Variants in CD163L1 observed in about 807,000 individuals in gnomAD.
CD163L1 encodes CD163 molecule like 1, also known as scavenger receptor cysteine-rich type 1 protein M160.
CD163L1 carries 124 observed loss-of-function variants against 165.4 expected under a neutral mutation model. That is an observed-to-expected ratio of 0.75 (90% CI 0.65 to 0.87). The LOEUF is 0.87. Ranked by LOEUF, CD163L1 falls within the 40% of genes least tolerant of loss-of-function variation. The pLI is 0.00. For missense variants in CD163L1, 1,525 were observed against 1,799.9 expected (o/e 0.85, Z 2.76); for synonymous variants, 585 against 662.2 (o/e 0.88, Z 1.79).
At chr12:7,412,620 T>C (rs7488891) in intron 4 of CD163L1, among the ~76,000 whole-genome samples, 27,963 of 150,386 alleles carry the variant, frequency 0.19, 3,341 homozygotes, top group African/African-American at 0.35. Context: ...ATCTGGAGAG[T>C]ATAAAAAGAG....
At chr12:7,362,076 T>C (rs1018985203) in intron 18 of CD163L1, among the ~76,000 whole-genome samples, 1 of 149,678 alleles carries the variant, frequency 6.7e-6, no homozygotes, top group African/African-American at 2.4e-5. Context: ...CATTCCATTG[T>C]ATATATACAC....
intron 18 of CD163L1, among the ~76,000 whole-genome samples, chr12:7,366,300 T>C (rs1039334785): frequency 1.3e-5 from 2 of 152,064 alleles, no homozygotes; most frequent in African/African-American, 4.8e-5. Flanking sequence ...TATACAATTG[T>C]AAGAAATAAA....
At chr12:7,340,565 C>A in the CD163L1 span, among the ~76,000 whole-genome samples, 1 of 152,152 alleles carries the variant, frequency 6.6e-6, no homozygotes. Flanking sequence ...TTCCTCACTT[C>A]AATTCATGTA....
intron 7 of CD163L1, among the ~76,000 whole-genome samples, chr12:7,397,319 T>C (rs1478528293): frequency 6.6e-6 from 1 of 152,156 alleles, no homozygotes; most frequent in African/African-American, 2.4e-5. Flanking sequence ...TGAACTGCAA[T>C]ATGACCTGCA....
Position 7,369,406 on chromosome 12 carries a change from C to G in CD163L1, c.3990G>C (p.Trp1330Cys). ...CCTTGTGTCCACAGTCACTCTGTCC[C>G]CAGGGTTTGGCGTGACAGTCCCATA... is the stretch of plus-strand genomic sequence containing the variant. Reference protein sequence around the residue: ...SFLWDCHAKPWGQSDCGHKED... With the variant: ...SFLWDCHAKPCGQSDCGHKED... Residue 1330 changes from tryptophan (W) to cysteine (C), a missense_variant, in exon 15 of 20, where the codon TGG (tryptophan) becomes TGC (cysteine). Coordinates refer to ENST00000313599, the MANE Select transcript of CD163L1 (RefSeq NM_174941.6). The surrounding 1 kb of genome is among the most constrained non-coding windows in gnomAD (Gnocchi z 4.9). 1 of 1,614,132 alleles carries G rather than the reference C, an allele frequency of 6.2e-7. No homozygotes were observed. Among genetic ancestry groups the G allele is most frequent in the East Asian group, 2.2e-5 (1 of 44,878 alleles).
the CD163L1 span, among the ~76,000 whole-genome samples, chr12:7,323,825 T>G: frequency 1.3e-5 from 2 of 152,166 alleles, no homozygotes; most frequent in Admixed American, 1.3e-4. Context: ...GAAGAGGGGC[T>G]TTTTATTATA....
At chr12:7,423,768 G>C (rs1156809482) in intron 4 of CD163L1, among the ~76,000 whole-genome samples, 1 of 152,012 alleles carries the variant, frequency 6.6e-6, no homozygotes, top group East Asian at 1.9e-4. Context: ...CCCCTCCCAA[G>C]ACTAAACCAG....
chr12:7,368,041 G>T lies in CD163L1; in HGVS notation c.4183+46C>A. ...AGAATCCCCCATCCTGTGTGCCCTT[G>T]GTGGCAGGTAACTCACATTTTATAC... On this transcript the variant is annotated intron_variant, in intron 17 of 19. Coordinates refer to ENST00000313599, the MANE Select transcript of CD163L1 (RefSeq NM_174941.6). This position sits in a 1 kb window ranked among gnomAD's most constrained non-coding sequence, Gnocchi z 4.3. The T allele has an allele frequency of 9.3e-7, 1 of 1,080,132 alleles. No homozygotes were observed. Among genetic ancestry groups the T allele is most frequent in the Non-Finnish European group, 1.4e-6 (1 of 697,454 alleles). 66.9% of individuals were successfully genotyped at this position (1,080,132 alleles called of 1,614,324 possible).
At chr12:7,359,761 T>C (rs1156282584) in intron 18 of CD163L1, among the ~76,000 whole-genome samples, 1 of 152,196 alleles carries the variant, frequency 6.6e-6, no homozygotes, top group Non-Finnish European at 1.5e-5. Flanking sequence ...AATTTGCTCA[T>C]CTTCATTCCT....
downstream of CD163L1, among the ~76,000 whole-genome samples, chr12:7,343,031 G>A (rs1946647722): frequency 6.6e-6 from 1 of 151,820 alleles, no homozygotes; most frequent in Non-Finnish European, 1.5e-5. Context: ...TGTCATTATG[G>A]GTCAATAAGA....
intron 9 of CD163L1, among the ~76,000 whole-genome samples, chr12:7,376,693 C>A (rs1428119077): frequency 1.3e-5 from 2 of 152,256 alleles, no homozygotes; most frequent in African/African-American, 4.8e-5. Context: ...TGAAATAATT[C>A]TTGACTTCCA....
At position 7,361,497 on chromosome 12, in the gene CD163L1, TC is replaced by T. The variant is rs372377433; in HGVS notation, c.4280-4012del. On this transcript the variant is annotated intron_variant, in intron 18 of 19. Coordinates refer to ENST00000313599, the MANE Select transcript of CD163L1 (RefSeq NM_174941.6). ...CTCTGCTATTCAGAGAAGTAAGTCT[TC>T]TCTCAAACTTAGTTGCCTGTGCCAC... Among the ~76,000 whole-genome samples the T allele has an allele frequency of 6.7e-3, 1,023 of 152,316 alleles. 7 individuals are homozygous for T. The highest frequency in any genetic ancestry group is 0.023 in the African/African-American group (950 of 41,570).
intron 14 of CD163L1, among the ~76,000 whole-genome samples, chr12:7,370,065 A>G (rs1947113749): frequency 6.6e-6 from 1 of 152,194 alleles, no homozygotes. Flanking sequence ...TGATCTATAT[A>G]AGACCATTGC....
chr12:7,322,644 T>C, the CD163L1 span: 3 of 1,429,544 alleles, frequency 2.1e-6, no homozygotes, highest in Non-Finnish European at 2.8e-6. Context: ...TAAATTTTTA[T>C]AGAGTTTCCC....
At position 7,375,982 on chromosome 12, in the gene CD163L1, T is replaced by C; in HGVS notation, c.2404A>G (p.Met802Val). The change falls in exon 10 of 20, where the codon ATG (methionine) becomes GTG (valine). Residue 802 changes from methionine (M) to valine (V), a missense_variant. Transcript: ENST00000313599. ...ACTTCAACACGTCCAGAGCAGGGCA[T>C]ATCAGCTCCAACCAGCCTGGGCTGC... ...HRQPRLVGAD[M>V]PCSGRVEVKH... The C allele has an allele frequency of 2.5e-6, 4 of 1,614,184 alleles. No individual in the cohort carries two copies. Among genetic ancestry groups the C allele is most frequent in the Non-Finnish European group, 3.4e-6 (4 of 1,179,998 alleles).
rs939139962 is a variant in CD163L1, at chr12:7,369,801, A to G, written c.3731-136T>C. ...AAGGAAGGCAGAATTTCAATGTTAC[A>G]TAGATTAGACAAGAACCTGTGAAGT... On this transcript the variant is annotated intron_variant, in intron 14 of 19. Coordinates refer to ENST00000313599, the MANE Select transcript of CD163L1 (RefSeq NM_174941.6). The surrounding 1 kb of genome is among the most constrained non-coding windows in gnomAD (Gnocchi z 4.9). The G allele has an allele frequency of 8.2e-6, 6 of 729,776 alleles. No homozygotes were observed. Among genetic ancestry groups the G allele is most frequent in the African/African-American group, 1.8e-5 (1 of 56,844 alleles). 45.2% of individuals were successfully genotyped at this position (729,776 alleles called of 1,614,324 possible). A position where few individuals can be genotyped will look rare whatever the true frequency, so the allele number is the denominator to read the frequency against.
At chr12:7,366,260 G>A (rs1591879480) in intron 18 of CD163L1, among the ~76,000 whole-genome samples, 1 of 152,110 alleles carries the variant, frequency 6.6e-6, no homozygotes, top group Admixed American at 6.5e-5. Context: ...AGGGGAAAGG[G>A]AGGATAAAGA....
chr12:7,437,321 T>TTTA (rs1180717706), intron 2 of CD163L1, among the ~76,000 whole-genome samples: 4 of 30,848 alleles, frequency 1.3e-4, no homozygotes, highest in Admixed American at 2.3e-4. Context: ...GAATATTATT[T>TTTA]TTATTTTTAT....
In CD163L1 at chr12:7,417,064, T is replaced by C. The variant is rs1374626636; in HGVS notation, c.767-10212A>G. On this transcript the variant is annotated intron_variant, in intron 4 of 19. Coordinates refer to ENST00000313599, the MANE Select transcript of CD163L1 (RefSeq NM_174941.6). Reference sequence around the variant, plus strand: ...CCTATTTATGAGCATGGAATGTTTTTCCATGTTTGTGTCCTCTCTTATTTC... The same window carrying C: ...CCTATTTATGAGCATGGAATGTTTTCCCATGTTTGTGTCCTCTCTTATTTC... 2.0e-5 allele frequency among the ~76,000 whole-genome samples: 3 copies of C among 152,230 alleles called. No homozygotes were observed. The South Asian group carries it at 6.2e-4, about 32-fold the overall frequency.
Sources: allele counts gnomAD v4.1 joint callset (sites outside exome capture counted in the v4.1 genomes callset), GRCh38; gene constraint gnomAD v4.1.1; non-coding constraint Gnocchi (gnomAD v3.1); transcripts MANE v1.5; gene names NCBI Gene and HGNC (gene_info 2026-07-23, HGNC 2026-07-21).